CTIF: variants seen among roughly 807,000 people sequenced by gnomAD.
CTIF encodes the protein cap binding complex dependent translation initiation factor.
Under a neutral mutation model 66.0 loss-of-function variants are expected in CTIF, and 21 were observed. The ratio of observed to expected loss-of-function variants is 0.32; its 90% confidence interval spans 0.23 to 0.46. CTIF has a LOEUF of 0.46. Among genes scored for constraint, CTIF ranks in the 20% least tolerant of loss-of-function variants. The pLI is 1.00. For synonymous variants in CTIF, 345 were observed against 326.4 expected, an observed-to-expected ratio of 1.06 and a Z score of -0.62; for missense variants, 739 against 812.7, an observed-to-expected ratio of 0.91 and a Z score of 1.10.
At chr18:48,653,681 A>C (rs1005548071) in intron 3 of CTIF, among the ~76,000 whole-genome samples, 2 of 152,156 alleles carry the variant, frequency 1.3e-5, no homozygotes, top group South Asian at 2.1e-4. Context: ...AATCCTAAGC[A>C]AAAAGAACAA....
At chr18:48,583,090 G>T (rs530290990) in intron 1 of CTIF, among the ~76,000 whole-genome samples, 1 of 152,322 alleles carries the variant, frequency 6.6e-6, no homozygotes, top group South Asian at 2.1e-4. Flanking sequence ...GTGCCCAGAT[G>T]GGAACTGCTG....
At chr18:48,781,363 G>T (rs1220063709) in intron 9 of CTIF, among the ~76,000 whole-genome samples, 1 of 152,210 alleles carries the variant, frequency 6.6e-6, no homozygotes, top group African/African-American at 2.4e-5. Context: ...CGGCGTCACA[G>T]TCTAGGGCAA....
intron 1 of CTIF, among the ~76,000 whole-genome samples, chr18:48,577,046 T>C (rs2089548354): frequency 6.6e-6 from 1 of 152,230 alleles, no homozygotes; most frequent in Non-Finnish European, 1.5e-5. Context: ...CAGGGTGTGA[T>C]ACTGACTGAG....
chr18:48,770,871 C>G (rs1378696191), intron 9 of CTIF, among the ~76,000 whole-genome samples: 1 of 152,232 alleles, frequency 6.6e-6, no homozygotes, highest in Non-Finnish European at 1.5e-5. Flanking sequence ...CCACACCACT[C>G]GGATGGCTCC....
intron 7 of CTIF, among the ~76,000 whole-genome samples, chr18:48,722,735 C>T (rs1052668830): frequency 3.9e-5 from 6 of 152,020 alleles, no homozygotes; most frequent in East Asian, 1.9e-4. Flanking sequence ...CGGCCGTACC[C>T]ATCAGCGCTC....
chr18:48,645,962 C>G (rs920240696), intron 3 of CTIF, among the ~76,000 whole-genome samples: 5 of 152,194 alleles, frequency 3.3e-5, no homozygotes, highest in African/African-American at 7.2e-5. Flanking sequence ...AAATATGACT[C>G]TCTCATGAGC....
At chr18:48,728,506 T>A (rs1487150413) in intron 7 of CTIF, among the ~76,000 whole-genome samples, 2 of 152,242 alleles carry the variant, frequency 1.3e-5, no homozygotes, top group African/African-American at 4.8e-5. Context: ...TGGGGAGTTC[T>A]GGCTCAGGGT....
intron 10 of CTIF, among the ~76,000 whole-genome samples, chr18:48,856,307 T>C (rs1314318874): frequency 4.6e-5 from 7 of 152,134 alleles, no homozygotes; most frequent in Admixed American, 4.6e-4. Flanking sequence ...GCATTGCTAG[T>C]GAGAGTGTAA....
chr18:48,808,477 T>C (rs2068195163), intron 9 of CTIF, among the ~76,000 whole-genome samples: 1 of 152,000 alleles, frequency 6.6e-6, no homozygotes, highest in African/African-American at 2.4e-5. Context: ...CTTCCAGAAA[T>C]GTGAGAAATA....
intron 6 of CTIF, 42 bp from the exon 7 acceptor site, chr18:48,711,577 C>T: frequency 6.6e-7 from 1 of 1,522,436 alleles, no homozygotes; most frequent in Middle Eastern, 1.7e-4. Flanking sequence ...TGCTCTCTTT[C>T]AGGAGTTACT....
intron 1 of CTIF, among the ~76,000 whole-genome samples, chr18:48,572,574 A>G (rs1458496109): frequency 2.6e-5 from 4 of 152,184 alleles, no homozygotes; most frequent in Non-Finnish European, 5.9e-5. Context: ...AGTCCAGTAC[A>G]AAACTCACAT....
chr18:48,823,495 C>T (rs1311509656), intron 10 of CTIF, among the ~76,000 whole-genome samples: 1 of 152,124 alleles, frequency 6.6e-6, no homozygotes, highest in African/African-American at 2.4e-5. Flanking sequence ...TATTTTTCGA[C>T]TCTCTATTTT....
At chr18:48,630,629 T>C (rs1225450195) in intron 2 of CTIF, among the ~76,000 whole-genome samples, 1 of 151,956 alleles carries the variant, frequency 6.6e-6, no homozygotes, top group African/African-American at 2.4e-5. Flanking sequence ...CTTTTATTCC[T>C]GTACTGGTTC....
In CTIF at chr18:48,824,516, T is replaced by G. The variant is rs191237046; in HGVS notation, c.1527+7140T>G. Among the ~76,000 whole-genome samples the G allele has an allele frequency of 6.9e-3, 1,046 of 152,312 alleles. 7 individuals are homozygous for G. Among genetic ancestry groups the G allele is most frequent in the Non-Finnish European group, 0.011 (721 of 68,020 alleles). ...TCCGTGCCTCTGTGATCCCGTGGTG[T>G]TGTTGTGAGGCTCTTCTAGGTTATC... On this transcript the variant is annotated intron_variant, in intron 10 of 11. Transcript: ENST00000256413.
chr18:48,584,040 C>T (rs139607875), intron 1 of CTIF, among the ~76,000 whole-genome samples: 85 of 152,304 alleles, frequency 5.6e-4, no homozygotes, highest in African/African-American at 1.9e-3. Context: ...CATCTCTTAT[C>T]TTGGTGGATG....
At chr18:48,540,874 G>C (rs2145442486) in intron 1 of CTIF, among the ~76,000 whole-genome samples, 1 of 152,240 alleles carries the variant, frequency 6.6e-6, no homozygotes, top group East Asian at 2.0e-4. Context: ...TACTTGGAGA[G>C]GGGACCGTGC....
At chr18:48,767,263 G>A (rs998877932) in intron 9 of CTIF, among the ~76,000 whole-genome samples, 18 of 152,176 alleles carry the variant, frequency 1.2e-4, no homozygotes, top group Admixed American at 1.2e-3. Flanking sequence ...GCGGTGAAGG[G>A]GCTCCAGTTT....
At chr18:48,594,858 C>T (rs2089960971) in intron 1 of CTIF, among the ~76,000 whole-genome samples, 1 of 152,174 alleles carries the variant, frequency 6.6e-6, no homozygotes, top group Non-Finnish European at 1.5e-5. Context: ...TGCAGCATGC[C>T]CTGAGGATGT....
Position 48,841,282 on chromosome 18 carries a change from C to T in CTIF, c.1528-16306C>T, listed in dbSNP as rs149043864. Among the ~76,000 whole-genome samples the T allele has an allele frequency of 4.4e-3, 665 of 152,276 alleles. 3 individuals are homozygous for T. The highest frequency in any genetic ancestry group is 0.015 in the African/African-American group (630 of 41,552). On this transcript the variant is annotated intron_variant, in intron 10 of 11. Coordinates refer to ENST00000256413, the MANE Select transcript of CTIF (RefSeq NM_014772.3). Reference sequence around the variant, plus strand: ...AGCAAGCAGGGGCCAGTGGCTGGAGCGGCCCCTGGGCTCTGGGCATGGGGA... The same window carrying T: ...AGCAAGCAGGGGCCAGTGGCTGGAGTGGCCCCTGGGCTCTGGGCATGGGGA...
Sources: allele counts gnomAD v4.1 joint callset (sites outside exome capture counted in the v4.1 genomes callset), GRCh38; gene constraint gnomAD v4.1.1; transcripts MANE v1.5; gene names NCBI Gene and HGNC (gene_info 2026-07-23, HGNC 2026-07-21).